The following CACNB4 variants were observed in gnomAD, a reference collection of about 807,000 sequenced individuals.
CACNB4 encodes the protein voltage-dependent L-type calcium channel subunit beta-4.
In CACNB4, 32 loss-of-function variants were observed where a neutral mutation model predicts 71.2. The observed-to-expected ratio is 0.45, with a 90% CI of 0.34 to 0.60. The LOEUF (loss-of-function observed/expected upper bound fraction) is 0.60. Ranked by LOEUF, CACNB4 falls within the 20% of genes least tolerant of loss-of-function variation. CACNB4 has a pLI of 0.01. For missense variants in CACNB4, 464 were observed against 647.9 expected (o/e 0.72, Z 3.08); for synonymous variants, 231 against 236.9 (o/e 0.97, Z 0.23).
At chr2:151,871,025 C>A (rs948815842) in intron 6 of CACNB4, 164 bp from the exon 7 acceptor site, 3 of 611,726 alleles carry the variant, frequency 4.9e-6, no homozygotes, top group South Asian at 4.3e-5. Flanking sequence ...ATTCTGGACA[C>A]GTCAATTTTG....
intron 2 of CACNB4, among the ~76,000 whole-genome samples, chr2:151,956,034 G>A (rs1031954243): frequency 2.0e-5 from 3 of 152,208 alleles, no homozygotes; most frequent in Non-Finnish European, 4.4e-5. Context: ...TTTTGTACTT[G>A]AGACTGAGCA....
chr2:151,886,201 A>G (rs950170159), intron 2 of CACNB4, among the ~76,000 whole-genome samples: 4 of 152,318 alleles, frequency 2.6e-5, no homozygotes, highest in Middle Eastern at 3.4e-3. Flanking sequence ...GACCATTCTA[A>G]GGGAGCTGAA....
At chr2:151,875,222 C>T (rs531802880) in intron 5 of CACNB4, among the ~76,000 whole-genome samples, 106 of 148,272 alleles carry the variant, frequency 7.1e-4, no homozygotes, top group African/African-American at 2.0e-3. Flanking sequence ...CTTCAAGCAT[C>T]TGTTTAACAA....
At chr2:152,006,192 G>C (rs763152102) in intron 2 of CACNB4, among the ~76,000 whole-genome samples, 18 of 152,016 alleles carry the variant, frequency 1.2e-4, no homozygotes, top group Admixed American at 3.3e-4. Flanking sequence ...TGTCATCCAA[G>C]CCCATCAGTG....
chr2:151,973,701 A>C lies in CACNB4; in HGVS notation c.148-90331T>G, dbSNP rs2099873223. On this transcript the variant is annotated intron_variant, in intron 2 of 13. Transcript: ENST00000539935. ...GAGTCTTCAATTCCATGCAGGTACA[A>C]ATTGTCATACATGGAGGTGTGATAA... 10 of 1,613,664 alleles carry C rather than the reference A, an allele frequency of 6.2e-6. No homozygotes were observed. Among genetic ancestry groups the C allele is most frequent in the Non-Finnish European group, 8.5e-6 (10 of 1,179,760 alleles).
chr2:151,947,852 T>C (rs576675404), intron 2 of CACNB4, among the ~76,000 whole-genome samples: 26 of 152,234 alleles, frequency 1.7e-4, no homozygotes, highest in African/African-American at 6.3e-4. Context: ...CCCTGGTTTA[T>C]AAAAAACAAG....
intron 2 of CACNB4, among the ~76,000 whole-genome samples, chr2:152,013,165 G>A (rs1273066614): frequency 1.3e-5 from 2 of 152,182 alleles, no homozygotes; most frequent in Non-Finnish European, 2.9e-5. Context: ...CTAGGTTTGT[G>A]TAAGTGCATT....
chr2:152,038,467 A>T (rs372030370), intron 2 of CACNB4, among the ~76,000 whole-genome samples: 1 of 152,152 alleles, frequency 6.6e-6, no homozygotes, highest in African/African-American at 2.4e-5. Context: ...TTCAGCAGAG[A>T]TGATGAGCAC....
chr2:152,011,915 T>C (rs528454797), intron 2 of CACNB4, among the ~76,000 whole-genome samples: 1 of 152,326 alleles, frequency 6.6e-6, no homozygotes, highest in African/African-American at 2.4e-5. Context: ...CATGAGGCAT[T>C]ACTCAGGTTT....
At position 151,839,264 on chromosome 2, in the gene CACNB4, C is replaced by T. The variant is rs368111233; in HGVS notation, c.1418G>A (p.Arg473His). 96 of 1,613,474 alleles carry T rather than the reference C, an allele frequency of 5.9e-5. No individual in the cohort carries two copies. The highest frequency in any genetic ancestry group is 7.2e-5 in the Non-Finnish European group (85 of 1,179,670). The part of the protein sequence containing the change: ...HNERARKSRN[R>H]LSSSSQHSRD... ...GCTATGCTGAGAACTGGAAGACAAGCGGTTCCTACTCTTCCGAGCCCTTTC... is the reference window on the plus strand; with the variant it reads ...GCTATGCTGAGAACTGGAAGACAAGTGGTTCCTACTCTTCCGAGCCCTTTC... Residue 473 changes from arginine to histidine, a missense_variant, in exon 14 of 14, where the codon CGC becomes CAC. Around this residue, in one of 3 missense-constraint regions of CACNB4, gnomAD observed 115 missense variants for 128.8 expected, o/e 0.89. Coordinates refer to ENST00000539935, the MANE Select transcript of CACNB4 (RefSeq NM_000726.5).
At chr2:152,027,875 A>G (rs2105167188) in intron 2 of CACNB4, among the ~76,000 whole-genome samples, 1 of 141,160 alleles carries the variant, frequency 7.1e-6, no homozygotes, top group African/African-American at 2.7e-5. Flanking sequence ...AAAAAAAAAA[A>G]AGCCAAAGCC....
chr2:152,091,780 T>C (rs1687987132), intron 2 of CACNB4, among the ~76,000 whole-genome samples: 1 of 152,188 alleles, frequency 6.6e-6, no homozygotes, highest in Non-Finnish European at 1.5e-5. Flanking sequence ...GTCAGTGGGC[T>C]TCCAGAGAGG....
At chr2:151,912,363 T>C (rs2099856408) in intron 2 of CACNB4, among the ~76,000 whole-genome samples, 1 of 152,266 alleles carries the variant, frequency 6.6e-6, no homozygotes, top group Admixed American at 6.5e-5. Context: ...TCTGGTACGT[T>C]GTCTCTTTGT....
intron 2 of CACNB4, among the ~76,000 whole-genome samples, chr2:152,079,388 G>A (rs957169832): frequency 2.0e-5 from 3 of 151,850 alleles, no homozygotes; most frequent in South Asian, 2.1e-4. Context: ...ACGCCCGGCC[G>A]TGTTGTTGTT....
At chr2:152,040,511 G>A (rs998933724) in intron 2 of CACNB4, among the ~76,000 whole-genome samples, 4 of 151,742 alleles carry the variant, frequency 2.6e-5, no homozygotes, top group Admixed American at 1.3e-4. Flanking sequence ...GCACATTCTC[G>A]GCTCACTGCA....
intron 2 of CACNB4, among the ~76,000 whole-genome samples, chr2:152,097,840 C>G (rs971082055): frequency 2.6e-5 from 4 of 152,334 alleles, no homozygotes; most frequent in Non-Finnish European, 5.9e-5. Context: ...TGCTCAGTGT[C>G]TTTCTTTTGA....
In CACNB4 at chr2:152,098,681, T is replaced by A; in HGVS notation, c.63+268A>T. On this transcript the variant is annotated intron_variant, in intron 1 of 13. Transcript: ENST00000539935. This position sits in a 1 kb window ranked among gnomAD's most constrained non-coding sequence, Gnocchi z 5.3. ...AGACTCTCAGGGTGCGGGGTCCGAG[T>A]CCCCGGCATCCGCTGGGGGAGGCTG... 1.9e-6 allele frequency: 3 copies of A among 1,563,698 alleles called. No homozygotes were observed. Among genetic ancestry groups the A allele is most frequent in the Non-Finnish European group, 2.6e-6 (3 of 1,154,894 alleles).
chr2:151,920,896 T>C (rs1199532587), intron 2 of CACNB4, among the ~76,000 whole-genome samples: 2 of 152,104 alleles, frequency 1.3e-5, no homozygotes, highest in African/African-American at 4.8e-5. Flanking sequence ...CCTAGCACTT[T>C]GGGAGGCCAA....
intron 2 of CACNB4, among the ~76,000 whole-genome samples, chr2:152,017,565 G>A (rs1222660081): frequency 3.3e-5 from 5 of 151,944 alleles, no homozygotes; most frequent in East Asian, 3.9e-4. Flanking sequence ...AAAATCAGCC[G>A]GGCATGGTGG....
Sources: gnomAD v4.1 joint callset for allele counts (sites outside exome capture counted in the v4.1 genomes callset) on GRCh38, gnomAD v4.1.1 for gene constraint, gnomAD v4.1.1 regional missense constraint, Gnocchi (gnomAD v3.1) non-coding constraint, MANE v1.5 for transcripts, NCBI Gene and HGNC (gene_info 2026-07-23, HGNC 2026-07-21) for gene names.